The following TUSC3 variants were observed in gnomAD, a reference collection of about 807,000 sequenced individuals.
TUSC3 encodes tumor suppressor candidate 3, also known as dolichyl-diphosphooligosaccharide--protein glycosyltransferase subunit TUSC3.
Under a neutral mutation model 44.8 loss-of-function variants are expected in TUSC3, and 45 were observed. The ratio of observed to expected loss-of-function variants is 1.00; its 90% confidence interval spans 0.79 to 1.29. The LOEUF (loss-of-function observed/expected upper bound fraction) is 1.29, where lower values mean the gene tolerates loss of function less well. TUSC3 is among the 50% of genes most tolerant of loss of function. TUSC3 has a pLI of 0.00. For synonymous variants in TUSC3, 212 were observed against 152.9 expected, an observed-to-expected ratio of 1.39 and a Z score of -2.85; for missense variants, 519 against 437.9, an observed-to-expected ratio of 1.19 and a Z score of -1.65.
intron 1 of TUSC3, among the ~76,000 whole-genome samples, chr8:15,431,512 A>T (rs1454310684): frequency 6.6e-6 from 1 of 151,574 alleles, no homozygotes; most frequent in East Asian, 1.9e-4. Flanking sequence ...TCTGATTTTC[A>T]TATATTGGTT....
chr8:15,470,864 C>A (rs562383595), intron 1 of TUSC3, among the ~76,000 whole-genome samples: 10 of 152,026 alleles, frequency 6.6e-5, no homozygotes, highest in African/African-American at 2.2e-4. Context: ...TGTGATAGGA[C>A]GGTGGCCTGG....
chr8:15,478,916 T>A (rs1800621297), intron 1 of TUSC3, among the ~76,000 whole-genome samples: 1 of 152,192 alleles, frequency 6.6e-6, no homozygotes, highest in Admixed American at 6.5e-5. Flanking sequence ...AAAGCATTCC[T>A]ATTTCTCCAC....
At chr8:15,622,968 A>G in intron 1 of TUSC3, 112 bp from the exon 2 acceptor site, 1 of 1,073,332 alleles carries the variant, frequency 9.3e-7, no homozygotes, top group Non-Finnish European at 1.3e-6. Context: ...TCTTTTCTAT[A>G]AACTTGGATA....
chr8:15,648,196 G>A (rs1806714186), intron 2 of TUSC3, among the ~76,000 whole-genome samples: 1 of 151,940 alleles, frequency 6.6e-6, no homozygotes, highest in South Asian at 2.1e-4. Flanking sequence ...AATTTTATTC[G>A]ACTCTGTCTT....
At position 15,550,034 on chromosome 8, in the gene TUSC3, CG is replaced by C. The variant is rs1359423413; in HGVS notation, c.138+9470del. On this transcript the variant is annotated intron_variant, in intron 1 of 10. Transcript: ENST00000503731. ...AGGGTCATGATCGATTGAGCAAGCA[CG>C]GGGTACGTGACTGGGGGCTGCTCAC... Among the ~76,000 whole-genome samples the C allele has an allele frequency of 4.1e-4, 62 of 151,648 alleles. 3 individuals are homozygous for C. The highest frequency in any genetic ancestry group is 4.6e-4 in the Admixed American group (7 of 15,172).
chr8:15,573,198 C>CTATATATATATATA (rs1260702049), intron 1 of TUSC3, among the ~76,000 whole-genome samples: 2 of 101,556 alleles, frequency 2.0e-5, no homozygotes, highest in Admixed American at 1.1e-4. Flanking sequence ...CTCTCTCTCT[C>CTATATATATATATA]TCTCTATATA....
At chr8:15,840,219 A>G in the TUSC3 span, among the ~76,000 whole-genome samples, 1 of 151,892 alleles carries the variant, frequency 6.6e-6, no homozygotes, top group African/African-American at 2.4e-5. Flanking sequence ...ACACACTGGG[A>G]CTTGTTGTGG....
intron 1 of TUSC3, among the ~76,000 whole-genome samples, chr8:15,593,863 T>G (rs114645087): frequency 0.019 from 2,924 of 152,230 alleles, 78 homozygotes; most frequent in African/African-American, 0.065. Context: ...CCATCTCCTT[T>G]TTTTCTTCTT....
chr8:15,604,433 T>A (rs1804432055), intron 1 of TUSC3, among the ~76,000 whole-genome samples: 1 of 151,680 alleles, frequency 6.6e-6, no homozygotes, highest in South Asian at 2.1e-4. Context: ...GGTTTTTGTT[T>A]TATTATTATT....
intron 5 of TUSC3, among the ~76,000 whole-genome samples, chr8:15,663,959 G>A (rs1202833091): frequency 6.6e-6 from 1 of 151,810 alleles, no homozygotes; most frequent in Non-Finnish European, 1.5e-5. Context: ...ACCAAAAATT[G>A]ATGTAGTCTC....
rs1808060065 is a variant in TUSC3 at position 15,673,761 on chromosome 8, T to C, written c.723T>C (p.Ala241=). 1 of 1,612,672 alleles carries C rather than the reference T, an allele frequency of 6.2e-7. No homozygotes were observed. Among genetic ancestry groups the C allele is most frequent in the Non-Finnish European group, 8.5e-7 (1 of 1,179,090 alleles). The change falls in exon 6 of 11, where the codon GCT becomes GCC. Residue 241 remains alanine, a synonymous_variant. Transcript: ENST00000503731. ...CTGTTTTTCAGTGTATAGTCTTTGC[T>C]ATGACTTCTGGCCAGATGTGGAACC... ...WAMVSLCIVF[A]MTSGQMWNHI...
the TUSC3 span, among the ~76,000 whole-genome samples, chr8:15,785,072 A>T: frequency 6.6e-6 from 1 of 152,108 alleles, no homozygotes; most frequent in East Asian, 1.9e-4. Context: ...AAGAAGAAAA[A>T]AGGATAATGT....
rs78390882 is a variant in TUSC3 at position 15,662,072 on chromosome 8, T to G, written c.568-84T>G. ...GTGGCATGTTTCTGAGTTCTTTGCGTTGAAAATTATGAGGACTAGAATATG... is the reference window on the plus strand; with the variant it reads ...GTGGCATGTTTCTGAGTTCTTTGCGGTGAAAATTATGAGGACTAGAATATG... On this transcript the variant is annotated intron_variant, in intron 4 of 10. Transcript: ENST00000503731. The G allele has an allele frequency of 0.011, 16,519 of 1,500,810 alleles. 1,388 individuals carry two copies. In the African/African-American group the frequency reaches 0.19, roughly 17 times the overall value. 93.0% of individuals were successfully genotyped at this position (1,500,810 alleles called of 1,614,324 possible).
At chr8:15,810,266 C>T in the TUSC3 span, among the ~76,000 whole-genome samples, 1 of 152,168 alleles carries the variant, frequency 6.6e-6, no homozygotes, top group African/African-American at 2.4e-5. Context: ...AGCTAAAGAA[C>T]CCCTGGCTTA....
intron 1 of TUSC3, among the ~76,000 whole-genome samples, chr8:15,426,050 A>T (rs941340337): frequency 6.6e-6 from 1 of 152,210 alleles, no homozygotes; most frequent in Non-Finnish European, 1.5e-5. Flanking sequence ...AAGATCAAAT[A>T]AAATAGTAAA....
chr8:15,732,024 C>T (rs1450271622), intron 7 of TUSC3, among the ~76,000 whole-genome samples: 1 of 152,190 alleles, frequency 6.6e-6, no homozygotes, highest in African/African-American at 2.4e-5. Context: ...ATTAGCAATA[C>T]TGACCACACG....
intron 1 of TUSC3, among the ~76,000 whole-genome samples, chr8:15,425,898 C>G (rs1799797680): frequency 6.6e-6 from 1 of 152,154 alleles, no homozygotes; most frequent in Non-Finnish European, 1.5e-5. Context: ...TGCCTATAAT[C>G]TCAACACTTT....
At chr8:15,836,873 CT>C in the TUSC3 span, among the ~76,000 whole-genome samples, 1 of 152,110 alleles carries the variant, frequency 6.6e-6, no homozygotes, top group Admixed American at 6.6e-5. Context: ...CCCTCCCTCA[CT>C]TTTTTGGGCT....
At chr8:15,468,474 C>G (rs957089106) in intron 1 of TUSC3, among the ~76,000 whole-genome samples, 1 of 152,096 alleles carries the variant, frequency 6.6e-6, no homozygotes, top group Non-Finnish European at 1.5e-5. Flanking sequence ...AGACATGATT[C>G]CTGATCATGG....
Sources: gnomAD v4.1 joint callset for allele counts (sites outside exome capture counted in the v4.1 genomes callset) on GRCh38, gnomAD v4.1.1 for gene constraint, MANE v1.5 for transcripts, NCBI Gene and HGNC (gene_info 2026-07-23, HGNC 2026-07-21) for gene names.